The following ACSS2 variants were observed in gnomAD, a reference collection of about 807,000 sequenced individuals.
ACSS2 encodes the protein acyl-CoA synthetase short chain family member 2.
In ACSS2, 58 loss-of-function variants were observed where a neutral mutation model predicts 90.6. The observed-to-expected ratio is 0.64, with a 90% confidence interval of 0.52 to 0.80. ACSS2 has a LOEUF of 0.80. Ranked by LOEUF, ACSS2 falls within the 30% of genes least tolerant of loss-of-function variation. The pLI, the probability that ACSS2 is intolerant of heterozygous loss-of-function variation, is 0.00. For missense variants in ACSS2, 759 were observed against 912.0 expected (o/e 0.83, Z 2.16); for synonymous variants, 300 against 330.9 (o/e 0.91, Z 1.01).
At chr20:34,921,760 G>C (rs373833512) in intron 12 of ACSS2, 26 bp from the exon 13 acceptor site, 7 of 1,612,296 alleles carry the variant, frequency 4.3e-6, no homozygotes, top group Non-Finnish European at 5.9e-6. Context: ...TCCTCTTCTT[G>C]GGTTCTGTCT....
intron 5 of ACSS2, 126 bp downstream of exon 5, chr20:34,913,951 T>A (rs2147078022): frequency 7.4e-7 from 1 of 1,358,464 alleles, no homozygotes; most frequent in East Asian, 2.3e-5. Context: ...TCTCTCCTGG[T>A]CCCACCTCAG....
At chr20:34,886,658 C>G (rs2080201177) in intron 2 of ACSS2, among the ~76,000 whole-genome samples, 1 of 152,056 alleles carries the variant, frequency 6.6e-6, no homozygotes, top group Non-Finnish European at 1.5e-5. Flanking sequence ...TAATTGCTTA[C>G]CGTTTTTCTT....
Position 34,876,735 on chromosome 20 carries a change from T to G in ACSS2, c.90T>G (p.Ser30=). 2 of 1,438,754 alleles carry G rather than the reference T, an allele frequency of 1.4e-6. No individual in the cohort carries two copies. The highest frequency in any genetic ancestry group is 2.8e-5 in the South Asian group (2 of 71,974). 89.1% of individuals were successfully genotyped at this position (1,438,754 alleles called of 1,614,324 possible). A position where few individuals can be genotyped will look rare whatever the true frequency, so the allele number is the denominator to read the frequency against. Residue 30 remains serine, a synonymous_variant, in exon 1 of 18, where the codon TCT becomes TCG. Coordinates refer to ENST00000360596, the MANE Select transcript of ACSS2 (RefSeq NM_018677.4). ...CCGGAGGCCGGGCGCGGAGTTGGTC[T>G]CCGCCGCCCGAGGTCAGCCGCTCCG... is the stretch of plus-strand genomic sequence containing the variant. ...AGAGGRARSW[S]PPPEVSRSAH...
chr20:34,888,301 C>T (rs1454137990), intron 2 of ACSS2, among the ~76,000 whole-genome samples: 1 of 151,982 alleles, frequency 6.6e-6, no homozygotes, highest in East Asian at 1.9e-4. Context: ...TCAGTTTTCT[C>T]AACTGTTAAA....
intron 1 of ACSS2, among the ~76,000 whole-genome samples, chr20:34,877,818 CAAAAAAAAAAAA>C (rs60819156): frequency 2.0e-4 from 18 of 91,222 alleles, no homozygotes; most frequent in East Asian, 3.6e-4. Flanking sequence ...GACTTTGTCT[CAAAAAAAAAAAA>C]AAAAAAAAAA....
At chr20:34,912,892 G>A (rs987571881) in intron 2 of ACSS2, among the ~76,000 whole-genome samples, 4 of 152,218 alleles carry the variant, frequency 2.6e-5, no homozygotes, top group African/African-American at 7.2e-5. Flanking sequence ...CATACAACAT[G>A]TGTATAAAAT....
chr20:34,876,683 G>A lies in ACSS2; in HGVS notation c.38G>A (p.Gly13Glu), dbSNP rs1157198999. 1 of 1,416,668 alleles carries A rather than the reference G, an allele frequency of 7.1e-7. No individual in the cohort carries two copies. Among genetic ancestry groups the A allele is most frequent in the Non-Finnish European group, 9.3e-7 (1 of 1,077,688 alleles). 87.8% of individuals were successfully genotyped at this position (1,416,668 alleles called of 1,614,324 possible). The change falls in exon 1 of 18, where the codon GGG becomes GAG. Residue 13 changes from glycine to glutamate, a missense_variant. Physicochemically the swap from Gly to Glu is moderately conservative, Grantham distance 98 (BLOSUM62 -2). Transcript: ENST00000360596. The stretch of plus-strand genomic sequence containing the variant: ...GAGGAGCGGGTCCGGAGCGGCAGCG[G>A]GAGCCGGGGCCAGGAGGAAGCTGGA... ...LPEERVRSGS[G>E]SRGQEEAGAG...
In ACSS2 at chr20:34,882,845, G is replaced by A; in HGVS notation, c.230G>A (p.Gly77Asp). 1.2e-6 allele frequency: 2 copies of A among 1,613,506 alleles called. No individual in the cohort carries two copies. Among genetic ancestry groups the A allele is most frequent in the Non-Finnish European group, 1.7e-6 (2 of 1,179,838 alleles). The change falls in exon 2 of 18, where the codon GGC (glycine) becomes GAC (aspartate). Residue 77 changes from glycine to aspartate, a missense_variant. Transcript: ENST00000360596. ...TTTTACTGGAAGACTCCATGCCCTG[G>A]CCCATTCCTTCGGTACAACTTTGAT... ...KEFYWKTPCP[G>D]PFLRYNFDVT...
intron 2 of ACSS2, among the ~76,000 whole-genome samples, chr20:34,908,462 A>T (rs1190771088): frequency 6.6e-6 from 1 of 151,968 alleles, no homozygotes; most frequent in East Asian, 1.9e-4. Context: ...ATGATTGCCT[A>T]CCTCTCATTA....
intron 1 of ACSS2, among the ~76,000 whole-genome samples, chr20:34,882,039 TAGAC>T (rs1288384420): frequency 3.9e-5 from 6 of 152,184 alleles, no homozygotes; most frequent in East Asian, 3.9e-4. Flanking sequence ...ACTTTCTAGT[TAGAC>T]AGATGGTGAA....
chr20:34,879,300 G>T (rs558271864), intron 1 of ACSS2, among the ~76,000 whole-genome samples: 1 of 151,914 alleles, frequency 6.6e-6, no homozygotes, highest in East Asian at 1.9e-4. Context: ...ATTCTAGATA[G>T]ATCATTCTCC....
chr20:34,884,541 G>A (rs569217929), intron 2 of ACSS2, among the ~76,000 whole-genome samples: 10 of 152,290 alleles, frequency 6.6e-5, no homozygotes, highest in South Asian at 4.1e-4. Context: ...ATGAGATAAC[G>A]TTGTAAAAGC....
At chr20:34,896,577 T>C (rs1205983515) in intron 2 of ACSS2, among the ~76,000 whole-genome samples, 1 of 152,254 alleles carries the variant, frequency 6.6e-6, no homozygotes, top group Non-Finnish European at 1.5e-5. Context: ...CTATTCATTT[T>C]ACAATTATGT....
chr20:34,903,215 A>C (rs1367542398), intron 2 of ACSS2, among the ~76,000 whole-genome samples: 2 of 151,846 alleles, frequency 1.3e-5, no homozygotes. Context: ...GGTGGCATGC[A>C]CCTGTGGTCC....
At chr20:34,919,722 T>C in intron 8 of ACSS2, 150 bp downstream of exon 8, 1 of 1,255,988 alleles carries the variant, frequency 8.0e-7, no homozygotes, top group African/African-American at 1.5e-5. Flanking sequence ...CTTTTCTAAA[T>C]CAAATTAAGA....
At chr20:34,878,904 T>G (rs1455363899) in intron 1 of ACSS2, among the ~76,000 whole-genome samples, 1 of 133,168 alleles carries the variant, frequency 7.5e-6, no homozygotes, top group Non-Finnish European at 1.8e-5. Context: ...TCTTTTTTTT[T>G]TTTTTTTCTT....
chr20:34,884,190 A>G (rs895432824), intron 2 of ACSS2, among the ~76,000 whole-genome samples: 12 of 152,096 alleles, frequency 7.9e-5, no homozygotes, highest in Admixed American at 7.2e-4. Flanking sequence ...AAACTCCTGA[A>G]CTCAAGCGAT....
intron 2 of ACSS2, among the ~76,000 whole-genome samples, chr20:34,911,419 C>T (rs1282952849): frequency 2.6e-5 from 4 of 151,894 alleles, no homozygotes; most frequent in Non-Finnish European, 5.9e-5. Context: ...AGCTCCTGAC[C>T]TCACGTGATC....
chr20:34,913,848 C>T lies in ACSS2; in HGVS notation c.643+23C>T, dbSNP rs1398752935. On this transcript the variant is annotated intron_variant, in intron 5 of 17. Transcript: ENST00000360596. ...CAGGTGACTAATTCTCTCACCTCTTCTCCAGAACCCCCCATACCTCAAGCC... is the reference window on the plus strand; with the variant it reads ...CAGGTGACTAATTCTCTCACCTCTTTTCCAGAACCCCCCATACCTCAAGCC... 6.8e-6 allele frequency: 11 copies of T among 1,606,416 alleles called. No homozygotes were observed. The Middle Eastern group carries it at 5.0e-4, about 72-fold the overall frequency.
Sources: allele counts gnomAD v4.1 joint callset (sites outside exome capture counted in the v4.1 genomes callset), GRCh38; gene constraint gnomAD v4.1.1; transcripts MANE v1.5; gene names NCBI Gene and HGNC (gene_info 2026-07-23, HGNC 2026-07-21).